Variants in EVX2 observed in about 807,000 individuals in gnomAD.
The protein encoded by EVX2 is homeobox even-skipped homolog protein 2.
Under a neutral mutation model 19.2 loss-of-function variants are expected in EVX2, and 10 were observed. The ratio of observed to expected loss-of-function variants is 0.52; its 90% confidence interval spans 0.32 to 0.89. The LOEUF is 0.89. Among genes scored for constraint, EVX2 ranks in the 40% least tolerant of loss-of-function variants. EVX2 has a pLI of 0.03. For missense variants in EVX2, 710 were observed against 694.9 expected (o/e 1.02, Z -0.24); for synonymous variants, 354 against 328.4 (o/e 1.08, Z -0.84).
chr2:176,082,597 T>A lies in EVX2; in HGVS notation c.428-148A>T. 2.5e-6 allele frequency: 2 copies of A among 809,762 alleles called. No homozygotes were observed. Among genetic ancestry groups the A allele is most frequent in the Non-Finnish European group, 3.6e-6 (2 of 560,826 alleles). 50.2% of individuals were successfully genotyped at this position (809,762 alleles called of 1,614,324 possible). On this transcript the variant is annotated intron_variant, in intron 1 of 2. Transcript: ENST00000308618. This position sits in a 1 kb window ranked among gnomAD's most constrained non-coding sequence, Gnocchi z 5.2. Reference sequence around the variant, plus strand: ...TGTCATGCTTACAAATTGCTGCCGTTAATGGAATCAATAAAGTTTGGGGAG... The same window carrying A: ...TGTCATGCTTACAAATTGCTGCCGTAAATGGAATCAATAAAGTTTGGGGAG...
Position 176,080,147 on chromosome 2 carries a change from CT to C in EVX2, c.1390del (p.Ser464AlafsTer27). The C allele has an allele frequency of 6.5e-7, 1 of 1,547,420 alleles. No homozygotes were observed. Among genetic ancestry groups the C allele is most frequent in the Non-Finnish European group, 8.7e-7 (1 of 1,151,588 alleles). Reference protein sequence around the residue: ...SAAVLSKTAVSPPDQRDEAPL... With the variant: ...SAAVLSKTAVXPPDQRDEAPL... ...AGCCTCGTCCCTCTGGTCCGGCGGG[CT>C]CACGGCCGTCTTACTAAGCACCGCG... On this transcript the variant is annotated frameshift_variant, in exon 3 of 3. Transcript: ENST00000308618. LOFTEE classifies it high-confidence loss of function. This position sits in a 1 kb window ranked among gnomAD's most constrained non-coding sequence, Gnocchi z 7.0.
chr2:176,080,606 G>T lies in EVX2; in HGVS notation c.932C>A (p.Pro311His). Reference protein sequence around the residue: ...ASGAAAAASSPFATSIRPLDT... With the variant: ...ASGAAAAASSHFATSIRPLDT... The stretch of plus-strand genomic sequence containing the variant: ...CAGTGGCCGGATGGAAGTAGCGAAG[G>T]GCGACGAAGCCGCGGCCGCCGCGCC... The change falls in exon 3 of 3, where the codon CCC becomes CAC. Residue 311 changes from proline to histidine, a missense_variant. Physicochemically the swap from Pro to His is moderately conservative, Grantham distance 77. Coordinates refer to ENST00000308618, the MANE Select transcript of EVX2 (RefSeq NM_001080458.2). The surrounding 1 kb of genome is among the most constrained non-coding windows in gnomAD (Gnocchi z 7.0). 16 of 1,527,748 alleles carry T rather than the reference G, an allele frequency of 1.0e-5. No individual in the cohort carries two copies. Among genetic ancestry groups the T allele is most frequent in the African/African-American group, 1.4e-5 (1 of 71,326 alleles). The allele number at this position is 1,527,748 out of a possible 1,614,324, so 94.6% of individuals were successfully genotyped here.
chr2:176,082,129 C>T lies in EVX2; in HGVS notation c.699+49G>A. ...GGAAAGGGGAAAAAGAAACAATCAA[C>T]CCAGATGCCCCCGGGGAGGCCAGAG... On this transcript the variant is annotated intron_variant, in intron 2 of 2. Transcript: ENST00000308618. This position sits in a 1 kb window ranked among gnomAD's most constrained non-coding sequence, Gnocchi z 5.2. The T allele has an allele frequency of 2.0e-6, 3 of 1,492,230 alleles. No individual in the cohort carries two copies. Among genetic ancestry groups the T allele is most frequent in the Non-Finnish European group, 2.7e-6 (3 of 1,124,448 alleles). The allele number at this position is 1,492,230 out of a possible 1,614,324, so 92.4% of individuals were successfully genotyped here. A position where few individuals can be genotyped will look rare whatever the true frequency, so the allele number is the denominator to read the frequency against.
rs1177073470 is a variant in EVX2, at chr2:176,083,138, A to C, written c.427+212T>G. Among the ~76,000 whole-genome samples, 3 of 152,118 alleles carry C rather than the reference A, an allele frequency of 2.0e-5. No individual in the cohort carries two copies. The highest frequency in any genetic ancestry group is 4.4e-5 in the Non-Finnish European group (3 of 68,034). ...CGAGGGCGGGTGGGCCTGGTGTTCCAGGCTCCGCAGGCCTGAGCCTGGCGG... is the reference window on the plus strand; with the variant it reads ...CGAGGGCGGGTGGGCCTGGTGTTCCCGGCTCCGCAGGCCTGAGCCTGGCGG... On this transcript the variant is annotated intron_variant, in intron 1 of 2. Coordinates refer to ENST00000308618, the MANE Select transcript of EVX2 (RefSeq NM_001080458.2). The surrounding 1 kb of genome is among the most constrained non-coding windows in gnomAD (Gnocchi z 4.4).
Position 176,083,697 on chromosome 2 carries a change from T to C in EVX2, c.80A>G (p.Asn27Ser), listed in dbSNP as rs138591857. 286 of 1,614,004 alleles carry C rather than the reference T, an allele frequency of 1.8e-4. 1 individual carries two copies. The highest frequency in any genetic ancestry group is 2.1e-4 in the Non-Finnish European group (246 of 1,180,048). ...AGCATTGCCAGCCGAGTTGGACAAA[T>C]TGGAGAATCTCTTGCCCGCCGTAGG... ...HSPTAGKRFS[N>S]LSNSAGNAVL... Residue 27 changes from asparagine (N) to serine (S), a missense_variant, in exon 1 of 3, where the codon AAT (asparagine) becomes AGT (serine). By Grantham distance (46) the Asn-to-Ser change is conservative. Transcript: ENST00000308618. The surrounding 1 kb of genome is among the most constrained non-coding windows in gnomAD (Gnocchi z 4.4).
rs992176471 is a variant in EVX2 at position 176,080,907 on chromosome 2, C to T, written c.700-69G>A. ...GTGTTCCCAGCTCCTGTCCCAGGAC[C>T]TCTGCCCCTTCCGGACCTCTGAATG... On this transcript the variant is annotated intron_variant, in intron 2 of 2. Coordinates refer to ENST00000308618, the MANE Select transcript of EVX2 (RefSeq NM_001080458.2). This position sits in a 1 kb window ranked among gnomAD's most constrained non-coding sequence, Gnocchi z 7.0. 5.2e-6 allele frequency: 8 copies of T among 1,527,582 alleles called. No individual in the cohort carries two copies. The Admixed American group carries it at 7.9e-5, about 15-fold the overall frequency. The allele number at this position is 1,527,582 out of a possible 1,614,324, so 94.6% of individuals were successfully genotyped here. A position where few individuals can be genotyped will look rare whatever the true frequency, so the allele number is the denominator to read the frequency against.
At position 176,079,879 on chromosome 2, in the gene EVX2, G is replaced by T. The variant is rs560149035; in HGVS notation, c.*228C>A. ...AAAGAGAGAGAAGGGCAGACGGCTG[G>T]GTGGCAAATACAAAAATAGAAATAA... On this transcript the variant is annotated 3_prime_UTR_variant, in exon 3 of 3. Coordinates refer to ENST00000308618, the MANE Select transcript of EVX2 (RefSeq NM_001080458.2). The surrounding 1 kb of genome is among the most constrained non-coding windows in gnomAD (Gnocchi z 4.4). 1.7e-5 allele frequency: 7 copies of T among 413,176 alleles called. No individual in the cohort carries two copies. The highest frequency in any genetic ancestry group is 1.0e-4 in the African/African-American group (5 of 48,036). The allele number at this position is 413,176 out of a possible 1,614,324, so 25.6% of individuals were successfully genotyped here. A position where few individuals can be genotyped will look rare whatever the true frequency, so the allele number is the denominator to read the frequency against.
Position 176,079,958 on chromosome 2 carries a change from A to G in EVX2, c.*149T>C, listed in dbSNP as rs1372828025. ...GCCTGCTCCTTCTCCCCCAATTCGGAGCAGGTTCCCTTCGGCCTCCCGCGC... is the reference window on the plus strand; with the variant it reads ...GCCTGCTCCTTCTCCCCCAATTCGGGGCAGGTTCCCTTCGGCCTCCCGCGC... On this transcript the variant is annotated 3_prime_UTR_variant, in exon 3 of 3. Coordinates refer to ENST00000308618, the MANE Select transcript of EVX2 (RefSeq NM_001080458.2). The surrounding 1 kb of genome is among the most constrained non-coding windows in gnomAD (Gnocchi z 4.4). The G allele has an allele frequency of 6.2e-6, 5 of 809,104 alleles. No homozygotes were observed. Among genetic ancestry groups the G allele is most frequent in the Non-Finnish European group, 8.6e-6 (5 of 582,510 alleles). 50.1% of individuals were successfully genotyped at this position (809,104 alleles called of 1,614,324 possible).
chr2:176,080,397 TG>T lies in EVX2; in HGVS notation c.1140del (p.Ser381AlafsTer83). On this transcript the variant is annotated frameshift_variant, in exon 3 of 3. Transcript: ENST00000308618. LOFTEE classifies it high-confidence loss of function. The surrounding 1 kb of genome is among the most constrained non-coding windows in gnomAD (Gnocchi z 7.0). Reference protein sequence around the residue: ...ASSAAAAGAPPSGGSAPCSCL... With the variant: ...ASSAAAAGAPXSGGSAPCSCL... ...CACGAGCAGGGTGCAGAGCCGCCGC[TG>T]GGGGGCGCGCCGGCCGCCGCCGCCG... The T allele has an allele frequency of 1.9e-6, 2 of 1,074,922 alleles. No homozygotes were observed. The highest frequency in any genetic ancestry group is 1.1e-6 in the Non-Finnish European group (1 of 889,770). 66.6% of individuals were successfully genotyped at this position (1,074,922 alleles called of 1,614,324 possible).
chr2:176,083,345 G>C lies in EVX2; in HGVS notation c.427+5C>G. 6.4e-7 allele frequency: 1 copy of C among 1,573,680 alleles called. No homozygotes were observed. Among genetic ancestry groups the C allele is most frequent in the Non-Finnish European group, 8.6e-7 (1 of 1,158,410 alleles). On this transcript the variant is annotated splice_donor_5th_base_variant and intron_variant, in intron 1 of 2. Coordinates refer to ENST00000308618, the MANE Select transcript of EVX2 (RefSeq NM_001080458.2). This position sits in a 1 kb window ranked among gnomAD's most constrained non-coding sequence, Gnocchi z 4.4. ...TGGAGAGCGCGGTGCGGCCGGCGCG[G>C]TTACCTTTGCCATTGTTTTCCTTAA...
chr2:176,079,881 T>C lies in EVX2; in HGVS notation c.*226A>G. On this transcript the variant is annotated 3_prime_UTR_variant, in exon 3 of 3. Transcript: ENST00000308618. The surrounding 1 kb of genome is among the most constrained non-coding windows in gnomAD (Gnocchi z 4.4). The stretch of plus-strand genomic sequence containing the variant: ...AGAGAGAGAAGGGCAGACGGCTGGG[T>C]GGCAAATACAAAAATAGAAATAATT... 1 of 415,684 alleles carries C rather than the reference T, an allele frequency of 2.4e-6. No individual in the cohort carries two copies. Among genetic ancestry groups the C allele is most frequent in the South Asian group, 6.1e-5 (1 of 16,416 alleles). The allele number at this position is 415,684 out of a possible 1,614,324, so 25.7% of individuals were successfully genotyped here.
In EVX2 at chr2:176,082,005, G is replaced by T. The variant is rs1193532032; in HGVS notation, c.699+173C>A. On this transcript the variant is annotated intron_variant, in intron 2 of 2. Coordinates refer to ENST00000308618, the MANE Select transcript of EVX2 (RefSeq NM_001080458.2). This position sits in a 1 kb window ranked among gnomAD's most constrained non-coding sequence, Gnocchi z 5.2. ...CTTAGATCCGTCAGGCCGGACAACC[G>T]TTCGGATTCGGTGGCCGGGAAATAA... Among the ~76,000 whole-genome samples the T allele has an allele frequency of 6.6e-6, 1 of 152,230 alleles. No homozygotes were observed. The highest frequency in any genetic ancestry group is 1.5e-5 in the Non-Finnish European group (1 of 68,044).
rs374328467 is a variant in EVX2 at position 176,083,355 on chromosome 2, C to A, written c.422G>T (p.Gly141Val). ...LGAAQLKENN[G>V]KGYAESGSAA... ...GGTGCGGCCGGCGCGGTTACCTTTG[C>A]CATTGTTTTCCTTAAGCTGAGCGGC... Residue 141 changes from glycine to valine, a missense_variant, in exon 1 of 3, where the codon GGC (glycine) becomes GTC (valine). Physicochemically the swap from Gly to Val is moderately radical, Grantham distance 109 (BLOSUM62 -3). Coordinates refer to ENST00000308618, the MANE Select transcript of EVX2 (RefSeq NM_001080458.2). This position sits in a 1 kb window ranked among gnomAD's most constrained non-coding sequence, Gnocchi z 4.4. 6.3e-7 allele frequency: 1 copy of A among 1,587,848 alleles called. No homozygotes were observed. The highest frequency in any genetic ancestry group is 1.1e-5 in the South Asian group (1 of 88,414).
rs1689115559 is a variant in EVX2, at chr2:176,080,250, C to G, written c.1288G>C (p.Gly430Arg). The change falls in exon 3 of 3, where the codon GGG (glycine) becomes CGG (arginine). Residue 430 changes from glycine (G) to arginine (R), a missense_variant. By Grantham distance (125) the Gly-to-Arg change is moderately radical. Coordinates refer to ENST00000308618, the MANE Select transcript of EVX2 (RefSeq NM_001080458.2). The surrounding 1 kb of genome is among the most constrained non-coding windows in gnomAD (Gnocchi z 7.0). ...CCGAAGTCCGAGCCTCCCCCGGCCCCGGCGCCCCCGCCGCCGCCGCCACCA... is the reference window on the plus strand; with the variant it reads ...CCGAAGTCCGAGCCTCCCCCGGCCCGGGCGCCCCCGCCGCCGCCGCCACCA... ...GGGGGGGGGA[G>R]AGGGSDFGCS... 1 of 1,343,148 alleles carries G rather than the reference C, an allele frequency of 7.4e-7. No homozygotes were observed. Among genetic ancestry groups the G allele is most frequent in the Non-Finnish European group, 9.5e-7 (1 of 1,048,184 alleles). The allele number at this position is 1,343,148 out of a possible 1,614,324, so 83.2% of individuals were successfully genotyped here. A position where few individuals can be genotyped will look rare whatever the true frequency, so the allele number is the denominator to read the frequency against.
rs1435830746 is a variant in EVX2, at chr2:176,080,170, C to A, written c.1368G>T (p.Ala456=). ...SESGFLPYSA[A]VLSKTAVSPP... Reference sequence around the variant, plus strand: ...GGCTCACGGCCGTCTTACTAAGCACCGCGGCCGAGTAGGGCAGGAAGCCGC... The same window carrying A: ...GGCTCACGGCCGTCTTACTAAGCACAGCGGCCGAGTAGGGCAGGAAGCCGC... Residue 456 remains alanine (A), a synonymous_variant, in exon 3 of 3, where the codon GCG becomes GCT. Transcript: ENST00000308618. This position sits in a 1 kb window ranked among gnomAD's most constrained non-coding sequence, Gnocchi z 7.0. The A allele has an allele frequency of 6.5e-7, 1 of 1,530,904 alleles. No individual in the cohort carries two copies. The highest frequency in any genetic ancestry group is 2.7e-5 in the East Asian group (1 of 37,022). 94.8% of individuals were successfully genotyped at this position (1,530,904 alleles called of 1,614,324 possible).
chr2:176,079,938 C>T lies in EVX2; in HGVS notation c.*169G>A. On this transcript the variant is annotated 3_prime_UTR_variant, in exon 3 of 3. Transcript: ENST00000308618. This position sits in a 1 kb window ranked among gnomAD's most constrained non-coding sequence, Gnocchi z 4.4. ...GATGCCCGCCAGGCTTTTGCGCCTG[C>T]TCCTTCTCCCCCAATTCGGAGCAGG... 1 of 640,336 alleles carries T rather than the reference C, an allele frequency of 1.6e-6. No homozygotes were observed. Among genetic ancestry groups the T allele is most frequent in the Non-Finnish European group, 2.3e-6 (1 of 433,148 alleles). The allele number at this position is 640,336 out of a possible 1,614,324, so 39.7% of individuals were successfully genotyped here.
chr2:176,081,271 A>G lies in EVX2; in HGVS notation c.700-433T>C, dbSNP rs1280902529. Among the ~76,000 whole-genome samples, 1 of 152,114 alleles carries G rather than the reference A, an allele frequency of 6.6e-6. No homozygotes were observed. On this transcript the variant is annotated intron_variant, in intron 2 of 2. Coordinates refer to ENST00000308618, the MANE Select transcript of EVX2 (RefSeq NM_001080458.2). This position sits in a 1 kb window ranked among gnomAD's most constrained non-coding sequence, Gnocchi z 5.9. ...GCTTTTCTGAGAGGTCGCCGCGCGAAGTCTTGAGCCCTCCGAACTGCAAGG... is the reference window on the plus strand; with the variant it reads ...GCTTTTCTGAGAGGTCGCCGCGCGAGGTCTTGAGCCCTCCGAACTGCAAGG...
chr2:176,082,471 G>T lies in EVX2; in HGVS notation c.428-22C>A. ...TACCCTGGCAAACAAACGACCAACA[G>T]CGCATGAGTGGCTGTAGGACCAACA... On this transcript the variant is annotated intron_variant, in intron 1 of 2. Coordinates refer to ENST00000308618, the MANE Select transcript of EVX2 (RefSeq NM_001080458.2). This position sits in a 1 kb window ranked among gnomAD's most constrained non-coding sequence, Gnocchi z 5.2. The T allele has an allele frequency of 6.6e-7, 1 of 1,521,642 alleles. No individual in the cohort carries two copies. Among genetic ancestry groups the T allele is most frequent in the Non-Finnish European group, 8.8e-7 (1 of 1,135,880 alleles). 94.3% of individuals were successfully genotyped at this position (1,521,642 alleles called of 1,614,324 possible). A position where few individuals can be genotyped will look rare whatever the true frequency, so the allele number is the denominator to read the frequency against.
In EVX2 at chr2:176,081,679, G is replaced by A. The variant is rs1475591054; in HGVS notation, c.699+499C>T. Among the ~76,000 whole-genome samples, 2 of 152,182 alleles carry A rather than the reference G, an allele frequency of 1.3e-5. No homozygotes were observed. The highest frequency in any genetic ancestry group is 3.8e-4 in the East Asian group (2 of 5,198). ...GTTGCATTTTTCCCCGCAGGAGGTT[G>A]CCCTTTTTTCGTTGCCCAAGAGGAA... On this transcript the variant is annotated intron_variant, in intron 2 of 2. Transcript: ENST00000308618. This position sits in a 1 kb window ranked among gnomAD's most constrained non-coding sequence, Gnocchi z 5.9.
Sources: gnomAD v4.1 joint callset for allele counts (sites outside exome capture counted in the v4.1 genomes callset) on GRCh38, gnomAD v4.1.1 for gene constraint, Gnocchi (gnomAD v3.1) non-coding constraint, MANE v1.5 for transcripts, NCBI Gene and HGNC (gene_info 2026-07-23, HGNC 2026-07-21) for gene names.